The following CNBD1 variants were observed in gnomAD, a reference collection of about 807,000 sequenced individuals.
CNBD1 encodes cyclic nucleotide binding domain containing 1.
Under a neutral mutation model 54.4 loss-of-function variants are expected in CNBD1, and 71 were observed. That is an observed-to-expected ratio of 1.30 (90% confidence interval 1.08 to 1.59). The LOEUF (loss-of-function observed/expected upper bound fraction) is 1.59. Ranked by LOEUF, CNBD1 falls within the 40% of genes most tolerant of loss-of-function variation. CNBD1 has a pLI of 0.00. For missense variants in CNBD1, 659 were observed against 518.0 expected, an observed-to-expected ratio of 1.27 and a Z score of -2.64; for synonymous variants, 182 against 170.7, an observed-to-expected ratio of 1.07 and a Z score of -0.51.
rs1284100981 is a variant in CNBD1, at chr8:87,203,351, CACAA to C, written c.432-2636_432-2633del. 1.6e-4 allele frequency among the ~76,000 whole-genome samples: 25 copies of C among 152,260 alleles called. No homozygotes were observed. The East Asian group carries it at 4.1e-3, about 25-fold the overall frequency. On this transcript the variant is annotated intron_variant, in intron 4 of 10. Coordinates refer to ENST00000518476, the MANE Select transcript of CNBD1 (RefSeq NM_173538.3). ...ATGTGTTTATATATGTACACACTTA[CACAA>C]ACAAATGATTTTTGTACCTAACAAA...
At chr8:87,313,338 A>ATGTG (rs1809309236) in intron 8 of CNBD1, among the ~76,000 whole-genome samples, 1 of 152,080 alleles carries the variant, frequency 6.6e-6, no homozygotes, top group Admixed American at 6.6e-5. Flanking sequence ...AAGAAATGAC[A>ATGTG]TGTGTCTGAA....
intron 8 of CNBD1, among the ~76,000 whole-genome samples, chr8:87,310,475 A>G (rs1346372182): frequency 6.6e-6 from 1 of 152,168 alleles, no homozygotes; most frequent in African/African-American, 2.4e-5. Flanking sequence ...ACTTTAGAAA[A>G]TCATAGATGA....
intron 4 of CNBD1, among the ~76,000 whole-genome samples, chr8:86,945,184 G>A (rs1807437300): frequency 6.6e-6 from 1 of 152,204 alleles, no homozygotes; most frequent in Non-Finnish European, 1.5e-5. Context: ...ATTTGTGGGA[G>A]CTGTGGAAAG....
intron 10 of CNBD1, among the ~76,000 whole-genome samples, chr8:87,364,873 T>A (rs1406875348): frequency 6.6e-6 from 1 of 152,170 alleles, no homozygotes; most frequent in Non-Finnish European, 1.5e-5. Flanking sequence ...GTACCACAAT[T>A]TCTTTATCCA....
At chr8:86,868,814 A>G (rs553379000) in intron 1 of CNBD1, among the ~76,000 whole-genome samples, 7 of 152,254 alleles carry the variant, frequency 4.6e-5, no homozygotes, top group African/African-American at 1.7e-4. Flanking sequence ...GTTATACTAC[A>G]TGTTAGGGGG....
chr8:87,305,634 A>C (rs1253748444), intron 8 of CNBD1, among the ~76,000 whole-genome samples: 1 of 152,132 alleles, frequency 6.6e-6, no homozygotes, highest in Non-Finnish European at 1.5e-5. Flanking sequence ...TCAACAAAGC[A>C]AACGAAAACA....
At chr8:87,063,646 AG>A (rs1810588715) in intron 4 of CNBD1, among the ~76,000 whole-genome samples, 2 of 152,152 alleles carry the variant, frequency 1.3e-5, no homozygotes, top group South Asian at 4.1e-4. Context: ...GATGATTTTG[AG>A]GGGAATATTT....
intron 4 of CNBD1, among the ~76,000 whole-genome samples, chr8:87,107,484 A>G (rs1811566536): frequency 6.6e-6 from 1 of 152,154 alleles, no homozygotes; most frequent in Admixed American, 6.5e-5. Flanking sequence ...CTACTCATCT[A>G]CATTTATCAA....
At chr8:87,177,749 G>T (rs2130774617) in intron 4 of CNBD1, among the ~76,000 whole-genome samples, 1 of 152,176 alleles carries the variant, frequency 6.6e-6, no homozygotes, top group Non-Finnish European at 1.5e-5. Context: ...ATGCAATTAA[G>T]TTCTTATTAA....
At chr8:87,019,405 A>C (rs954671963) in intron 4 of CNBD1, among the ~76,000 whole-genome samples, 4 of 152,204 alleles carry the variant, frequency 2.6e-5, no homozygotes, top group Non-Finnish European at 5.9e-5. Context: ...TCCCTGTAAC[A>C]AAACCTTTTC....
intron 8 of CNBD1, among the ~76,000 whole-genome samples, chr8:87,298,717 CT>C (rs1210589475): frequency 6.6e-6 from 1 of 151,800 alleles, no homozygotes; most frequent in Non-Finnish European, 1.5e-5. Flanking sequence ...AACTCCTGAC[CT>C]TGTGATTTGC....
At chr8:86,965,028 T>A (rs796165623) in intron 4 of CNBD1, among the ~76,000 whole-genome samples, 1 of 152,158 alleles carries the variant, frequency 6.6e-6, no homozygotes, top group South Asian at 2.1e-4. Context: ...ACCAAGTAAA[T>A]TACAAGAACA....
chr8:87,326,960 G>T (rs1809682422), intron 8 of CNBD1, among the ~76,000 whole-genome samples: 1 of 133,346 alleles, frequency 7.5e-6, no homozygotes, highest in Admixed American at 7.6e-5. Context: ...CTTTGATGAT[G>T]GTGATGTACA....
intron 6 of CNBD1, among the ~76,000 whole-genome samples, chr8:87,276,765 A>G (rs2130863090): frequency 6.6e-6 from 1 of 152,000 alleles, no homozygotes; most frequent in East Asian, 1.9e-4. Flanking sequence ...CATTATTTCG[A>G]GCCAGACATG....
intron 4 of CNBD1, among the ~76,000 whole-genome samples, chr8:87,080,401 G>A (rs1428469507): frequency 6.6e-6 from 1 of 152,004 alleles, no homozygotes; most frequent in Non-Finnish European, 1.5e-5. Flanking sequence ...GGCTAACATG[G>A]TGAAACCCCG....
At chr8:87,364,442 T>A (rs1303070886) in intron 10 of CNBD1, among the ~76,000 whole-genome samples, 1 of 151,916 alleles carries the variant, frequency 6.6e-6, no homozygotes, top group African/African-American at 2.4e-5. Context: ...ACTGTTTTAC[T>A]TTTTAATTCT....
intron 8 of CNBD1, among the ~76,000 whole-genome samples, chr8:87,346,098 A>G (rs1001957006): frequency 2.6e-5 from 4 of 151,914 alleles, no homozygotes; most frequent in Non-Finnish European, 5.9e-5. Context: ...CTGGAATGCA[A>G]TGGCGAGATC....
At chr8:87,245,946 C>T (rs927501199) in intron 6 of CNBD1, among the ~76,000 whole-genome samples, 7 of 151,914 alleles carry the variant, frequency 4.6e-5, no homozygotes, top group Non-Finnish European at 1.0e-4. Flanking sequence ...TGAGTACATA[C>T]TATATGCCCA....
At chr8:86,885,837 G>T (rs1183020224) in intron 1 of CNBD1, among the ~76,000 whole-genome samples, 1 of 152,128 alleles carries the variant, frequency 6.6e-6, no homozygotes, top group African/African-American at 2.4e-5. Flanking sequence ...TTACTTGGCT[G>T]TTCCAAGCCT....
Sources: gnomAD v4.1 joint callset for allele counts (sites outside exome capture counted in the v4.1 genomes callset) on GRCh38, gnomAD v4.1.1 for gene constraint, MANE v1.5 for transcripts, NCBI Gene and HGNC (gene_info 2026-07-23, HGNC 2026-07-21) for gene names.